SLC6A11: variants seen among roughly 807,000 people sequenced by gnomAD.
SLC6A11 encodes the protein solute carrier family 6 member 11, also known as sodium- and chloride-dependent GABA transporter 3.
SLC6A11 carries 25 observed loss-of-function variants against 74.8 expected under a neutral mutation model. The observed-to-expected ratio is 0.33, with a 90% CI of 0.24 to 0.47. The LOEUF is 0.47. SLC6A11 is among the 20% of genes least tolerant of loss of function. The probability of loss-of-function intolerance (pLI) is 1.00; values close to 1 mark genes in which losing one functional copy is unlikely to be tolerated. For synonymous variants in SLC6A11, 330 were observed against 330.2 expected, an observed-to-expected ratio of 1.00 and a Z score of 0.01; for missense variants, 574 against 837.0, an observed-to-expected ratio of 0.69 and a Z score of 3.88.
At chr3:10,825,930 G>T (rs1262385153) in intron 4 of SLC6A11, among the ~76,000 whole-genome samples, 2 of 152,132 alleles carry the variant, frequency 1.3e-5, no homozygotes, top group Admixed American at 1.3e-4. Context: ...TTTACTGTAA[G>T]CCTTGAGCCT....
At chr3:10,849,092 C>G (rs1694540374) in intron 5 of SLC6A11, among the ~76,000 whole-genome samples, 2 of 152,184 alleles carry the variant, frequency 1.3e-5, no homozygotes, top group Admixed American at 6.5e-5. Context: ...AATAAAATAG[C>G]TGCAGTTTTA....
intron 4 of SLC6A11, among the ~76,000 whole-genome samples, chr3:10,837,361 AT>A (rs1694380311): frequency 6.6e-6 from 1 of 152,018 alleles, no homozygotes; most frequent in Non-Finnish European, 1.5e-5. Context: ...TCGGTCCCTG[AT>A]TGCACTCCCT....
At chr3:10,873,553 C>CCTATCCTATCCTATCCTAT (rs1559566896) in intron 5 of SLC6A11, among the ~76,000 whole-genome samples, 1 of 88,200 alleles carries the variant, frequency 1.1e-5, no homozygotes, top group East Asian at 4.3e-4. Context: ...TCCTATCCTA[C>CCTATCCTATCCTATCCTAT]CCTACCCTAC....
chr3:10,889,912 G>A (rs985356854), intron 6 of SLC6A11, among the ~76,000 whole-genome samples: 1 of 152,200 alleles, frequency 6.6e-6, no homozygotes, highest in African/African-American at 2.4e-5. Flanking sequence ...GAGAGAGAGA[G>A]AGGATCACTT....
chr3:10,898,407 G>A (rs1041661497), intron 6 of SLC6A11, among the ~76,000 whole-genome samples: 3 of 152,160 alleles, frequency 2.0e-5, no homozygotes, highest in Non-Finnish European at 4.4e-5. Context: ...TTACAAAACT[G>A]AATGCCTTTA....
chr3:10,891,228 A>G (rs1020955866), intron 6 of SLC6A11, among the ~76,000 whole-genome samples: 1 of 152,320 alleles, frequency 6.6e-6, no homozygotes, highest in South Asian at 2.1e-4. Flanking sequence ...AGAATTTTCT[A>G]TCTTCCTTAA....
intron 6 of SLC6A11, among the ~76,000 whole-genome samples, chr3:10,901,071 C>G (rs1204249335): frequency 2.6e-5 from 4 of 152,194 alleles, no homozygotes; most frequent in Non-Finnish European, 5.9e-5. Flanking sequence ...AGAGCCTCCC[C>G]TTTAAGGAAC....
intron 9 of SLC6A11, among the ~76,000 whole-genome samples, chr3:10,928,424 T>G (rs1219313757): frequency 2.0e-5 from 3 of 152,088 alleles, no homozygotes; most frequent in African/African-American, 7.2e-5. Context: ...AGGAAAAGGT[T>G]CATGCAGATC....
chr3:10,904,686 G>A (rs995341304), intron 6 of SLC6A11, among the ~76,000 whole-genome samples: 1 of 152,094 alleles, frequency 6.6e-6, no homozygotes. Context: ...CATTGAGGTG[G>A]GGTTGCCTTT....
At chr3:10,893,568 C>T (rs1204173628) in intron 6 of SLC6A11, among the ~76,000 whole-genome samples, 1 of 152,164 alleles carries the variant, frequency 6.6e-6, no homozygotes, top group Non-Finnish European at 1.5e-5. Flanking sequence ...GGAGTTTCCT[C>T]AGTTTCCCCC....
At chr3:10,848,333 A>G (rs1292978274) in intron 5 of SLC6A11, among the ~76,000 whole-genome samples, 2 of 152,246 alleles carry the variant, frequency 1.3e-5, no homozygotes, top group East Asian at 3.8e-4. Flanking sequence ...CCAGAGGTGA[A>G]GTCCAGGAAG....
chr3:10,871,039 G>A lies in SLC6A11; in HGVS notation c.757-3922G>A, dbSNP rs541321015. 2.0e-5 allele frequency among the ~76,000 whole-genome samples: 3 copies of A among 152,270 alleles called. No individual in the cohort carries two copies. The South Asian group carries it at 6.2e-4, about 32-fold the overall frequency. ...TTCTCCTAAATATAATGTAGAAGTA[G>A]AGCATCGATTCAGAACTCTAAACAA... On this transcript the variant is annotated intron_variant, in intron 5 of 13. Transcript: ENST00000254488.
intron 4 of SLC6A11, among the ~76,000 whole-genome samples, chr3:10,838,818 T>C (rs1270643511): frequency 6.6e-6 from 1 of 152,156 alleles, no homozygotes; most frequent in African/African-American, 2.4e-5. Flanking sequence ...ATGAAATGGG[T>C]ATAATCATGC....
intron 4 of SLC6A11, among the ~76,000 whole-genome samples, chr3:10,843,300 G>A (rs1694461334): frequency 6.6e-6 from 1 of 152,094 alleles, no homozygotes; most frequent in Non-Finnish European, 1.5e-5. Context: ...CCTCTGGGAA[G>A]CCTCTACACT....
chr3:10,882,001 C>A (rs561416590), intron 6 of SLC6A11, among the ~76,000 whole-genome samples: 1 of 152,328 alleles, frequency 6.6e-6, no homozygotes. Context: ...CAAGGACGTT[C>A]CCTGGGAGGG....
intron 4 of SLC6A11, among the ~76,000 whole-genome samples, chr3:10,833,118 A>G (rs1342844257): frequency 1.4e-4 from 22 of 152,082 alleles, no homozygotes; most frequent in Admixed American, 1.4e-3. Context: ...CTGGAGTGCA[A>G]TGGTACAATC....
In SLC6A11 at chr3:10,816,549, G is replaced by C; in HGVS notation, c.256+28G>C. On this transcript the variant is annotated intron_variant, in intron 1 of 13. Coordinates refer to ENST00000254488, the MANE Select transcript of SLC6A11 (RefSeq NM_014229.3). This position sits in a 1 kb window ranked among gnomAD's most constrained non-coding sequence, Gnocchi z 4.2. ...GAGGTGATAGTGAGGAGAAGGGGAG[G>C]GGGCGCCAACCGCCCGGTGGGGGCG... is the stretch of plus-strand genomic sequence containing the variant. 1 of 1,546,214 alleles carries C rather than the reference G, an allele frequency of 6.5e-7. No homozygotes were observed. The highest frequency in any genetic ancestry group is 1.2e-5 in the South Asian group (1 of 82,774).
intron 6 of SLC6A11, among the ~76,000 whole-genome samples, chr3:10,890,268 C>A (rs1437065089): frequency 6.6e-6 from 1 of 152,210 alleles, no homozygotes; most frequent in East Asian, 1.9e-4. Context: ...AGCAGTCACT[C>A]CTGGTGCCCT....
At chr3:10,899,544 T>C (rs1380110456) in intron 6 of SLC6A11, among the ~76,000 whole-genome samples, 1 of 152,242 alleles carries the variant, frequency 6.6e-6, no homozygotes, top group Non-Finnish European at 1.5e-5. Flanking sequence ...TTCTGGAAGA[T>C]CTATTCCATT....
Sources: allele counts gnomAD v4.1 joint callset (sites outside exome capture counted in the v4.1 genomes callset), GRCh38; gene constraint gnomAD v4.1.1; non-coding constraint Gnocchi (gnomAD v3.1); transcripts MANE v1.5; gene names NCBI Gene and HGNC (gene_info 2026-07-23, HGNC 2026-07-21).